The following ATP8B4 variants were observed in gnomAD, a reference collection of about 807,000 sequenced individuals.
ATP8B4 encodes ATPase phospholipid transporting 8B4 (putative).
A neutral mutation model predicts 145.6 loss-of-function variants in ATP8B4; 133 were observed. The ratio of observed to expected loss-of-function variants is 0.91; its 90% confidence interval spans 0.79 to 1.05. ATP8B4 has a LOEUF of 1.05. Among genes scored for constraint, ATP8B4 ranks in the 50% least tolerant of loss-of-function variants. The pLI is 0.00. For synonymous variants in ATP8B4, 507 were observed against 492.9 expected (o/e 1.03, Z -0.38); for missense variants, 1,458 against 1,425.2 (o/e 1.02, Z -0.37).
chr15:49,987,050 C>T (rs1206336126), intron 10 of ATP8B4, among the ~76,000 whole-genome samples: 3 of 152,150 alleles, frequency 2.0e-5, no homozygotes, highest in African/African-American at 7.2e-5. Flanking sequence ...TACTCTTACC[C>T]ACTTTAAAGG....
intron 2 of ATP8B4, among the ~76,000 whole-genome samples, chr15:50,102,057 C>T (rs926667362): frequency 2.2e-4 from 33 of 152,172 alleles, no homozygotes; most frequent in African/African-American, 7.7e-4. Flanking sequence ...ATAATAGTGA[C>T]ACAACCTAAC....
intron 2 of ATP8B4, among the ~76,000 whole-genome samples, chr15:50,078,179 C>G (rs887558671): frequency 1.4e-5 from 2 of 145,744 alleles, no homozygotes; most frequent in African/African-American, 5.0e-5. Flanking sequence ...TAGAGATGCT[C>G]TTTTTTTTTT....
At chr15:49,943,023 CTT>C (rs2042285559) in intron 14 of ATP8B4, among the ~76,000 whole-genome samples, 1 of 151,576 alleles carries the variant, frequency 6.6e-6, no homozygotes, top group South Asian at 2.1e-4. Flanking sequence ...AACAAAAAGA[CTT>C]TAAAAAAATT....
intron 3 of ATP8B4, among the ~76,000 whole-genome samples, chr15:50,060,021 T>TA (rs1458150753): frequency 6.6e-6 from 1 of 152,094 alleles, no homozygotes; most frequent in Non-Finnish European, 1.5e-5. Flanking sequence ...TCCAGTACTG[T>TA]AAAATGAGTT....
At chr15:49,982,380 A>G (rs2046233223) in intron 10 of ATP8B4, 2 of 152,190 alleles carry the variant, frequency 1.3e-5, no homozygotes, top group South Asian at 4.1e-4. Context: ...CATTTATTAA[A>G]ATCATATGAA....
At chr15:50,034,921 T>A (rs2050725135) in intron 6 of ATP8B4, among the ~76,000 whole-genome samples, 1 of 152,224 alleles carries the variant, frequency 6.6e-6, no homozygotes, top group Admixed American at 6.5e-5. Context: ...ACTCGCAGAC[T>A]TGCCAACAGT....
intron 14 of ATP8B4, among the ~76,000 whole-genome samples, chr15:49,959,898 C>A (rs1015430703): frequency 3.9e-5 from 6 of 151,986 alleles, no homozygotes; most frequent in Non-Finnish European, 5.9e-5. Flanking sequence ...AATTTAACAT[C>A]ATTCTAACAA....
At chr15:49,985,963 A>C (rs1412797812) in intron 10 of ATP8B4, among the ~76,000 whole-genome samples, 1 of 152,202 alleles carries the variant, frequency 6.6e-6, no homozygotes, top group African/African-American at 2.4e-5. Context: ...AATAACAATA[A>C]ATAAAAAATA....
chr15:49,958,826 T>C (rs186492679), intron 14 of ATP8B4, among the ~76,000 whole-genome samples: 13 of 152,068 alleles, frequency 8.5e-5, no homozygotes, highest in Admixed American at 7.8e-4. Flanking sequence ...GTAAGAACAT[T>C]ATCTAAGAGC....
chr15:49,895,077 C>T lies in ATP8B4; in HGVS notation c.2697+2215G>A, dbSNP rs143791019. ...CTGTCTTAGCGCAGGTAAAATATGC[C>T]TCAGGGACAGTGGTCTGACAAGAGG... On this transcript the variant is annotated intron_variant, in intron 23 of 27. Transcript: ENST00000284509. The T allele has an allele frequency of 2.0e-3, 309 of 152,334 alleles. 1 individual carries two copies. The highest frequency in any genetic ancestry group is 6.9e-3 in the African/African-American group (285 of 41,570). 9.4% of individuals were successfully genotyped at this position (152,334 alleles called of 1,614,324 possible).
chr15:50,073,011 T>TACACAC (rs1258285953), intron 3 of ATP8B4, among the ~76,000 whole-genome samples: 1 of 44,798 alleles, frequency 2.2e-5, no homozygotes, highest in East Asian at 8.1e-4. Flanking sequence ...TATATATATA[T>TACACAC]ATATATATAC....
At chr15:49,983,996 C>T (rs2046383192) in intron 10 of ATP8B4, among the ~76,000 whole-genome samples, 1 of 152,188 alleles carries the variant, frequency 6.6e-6, no homozygotes, top group African/African-American at 2.4e-5. Context: ...TTTTAATCCC[C>T]AATGAGTAAG....
chr15:50,020,098 G>T (rs200707878), intron 6 of ATP8B4, among the ~76,000 whole-genome samples: 1 of 151,910 alleles, frequency 6.6e-6, no homozygotes, highest in Non-Finnish European at 1.5e-5. Context: ...GCAACTGCAG[G>T]TGCACACCAC....
At chr15:50,040,674 A>G (rs767899283) in intron 5 of ATP8B4, among the ~76,000 whole-genome samples, 3 of 152,212 alleles carry the variant, frequency 2.0e-5, no homozygotes, top group Non-Finnish European at 4.4e-5. Context: ...AAAGCTGAGC[A>G]GCTCACTCTC....
chr15:50,143,149 C>T (rs1219015874), intron 1 of ATP8B4, among the ~76,000 whole-genome samples: 2 of 152,134 alleles, frequency 1.3e-5, no homozygotes, highest in Non-Finnish European at 2.9e-5. Context: ...CAAAACTGTG[C>T]CATCAGAGGC....
chr15:50,113,558 G>T (rs2057050740), intron 1 of ATP8B4, among the ~76,000 whole-genome samples: 1 of 152,102 alleles, frequency 6.6e-6, no homozygotes, highest in Non-Finnish European at 1.5e-5. Context: ...AATTTATAAG[G>T]CCAGGAGCGG....
intron 7 of ATP8B4, chr15:50,009,485 T>C (rs986414891): frequency 1.5e-5 from 5 of 323,610 alleles, no homozygotes; most frequent in Non-Finnish European, 3.0e-5. Flanking sequence ...GTCTAGCATC[T>C]TATTTGACAC....
At chr15:50,005,941 T>C (rs2048264945) in intron 7 of ATP8B4, among the ~76,000 whole-genome samples, 1 of 152,228 alleles carries the variant, frequency 6.6e-6, no homozygotes, top group South Asian at 2.1e-4. Flanking sequence ...TTTTAGGCCA[T>C]TCTCACACAG....
chr15:49,978,301 A>C (rs1325236617), intron 12 of ATP8B4, among the ~76,000 whole-genome samples: 2 of 152,140 alleles, frequency 1.3e-5, no homozygotes, highest in East Asian at 3.9e-4. Flanking sequence ...GGATACAAGC[A>C]TGAGAGGTCC....
Sources: allele counts gnomAD v4.1 joint callset (sites outside exome capture counted in the v4.1 genomes callset), GRCh38; gene constraint gnomAD v4.1.1; transcripts MANE v1.5; gene names NCBI Gene and HGNC (gene_info 2026-07-23, HGNC 2026-07-21).